The following DENND1A variants were observed in gnomAD, a reference collection of about 807,000 sequenced individuals.
The protein encoded by DENND1A is DENN domain containing 1A.
DENND1A carries 51 observed loss-of-function variants against 113.7 expected under a neutral mutation model. That is an observed-to-expected ratio of 0.45 (90% CI 0.36 to 0.57). The LOEUF (loss-of-function observed/expected upper bound fraction) is 0.57, where lower values mean the gene tolerates loss of function less well. Among genes scored for constraint, DENND1A ranks in the 20% least tolerant of loss-of-function variants. The pLI is 0.00. For missense variants in DENND1A, 1,258 were observed against 1,395.9 expected (o/e 0.90, Z 1.57); for synonymous variants, 565 against 570.8 (o/e 0.99, Z 0.14).
intron 1 of DENND1A, among the ~76,000 whole-genome samples, chr9:123,882,322 CA>C (rs59820553): frequency 0.016 from 1,962 of 124,270 alleles, 26 homozygotes; most frequent in African/African-American, 0.035. Context: ...AACCTTGTTT[CA>C]AAAAAAAAAA....
intron 12 of DENND1A, among the ~76,000 whole-genome samples, chr9:123,564,838 T>G (rs1385507690): frequency 6.6e-6 from 1 of 152,184 alleles, no homozygotes; most frequent in East Asian, 1.9e-4. Flanking sequence ...CAGGTCTCAG[T>G]TCAAATATCA....
At chr9:123,724,401 T>C (rs889619374) in intron 5 of DENND1A, among the ~76,000 whole-genome samples, 3 of 152,070 alleles carry the variant, frequency 2.0e-5, no homozygotes, top group African/African-American at 7.2e-5. Flanking sequence ...ATTCTCAATG[T>C]TGGCTCCAGG....
intron 13 of DENND1A, among the ~76,000 whole-genome samples, chr9:123,501,810 A>C (rs913353449): frequency 4.6e-5 from 7 of 152,346 alleles, no homozygotes; most frequent in Admixed American, 1.3e-4. Flanking sequence ...AGATGGGCCT[A>C]GCCTCCCAGC....
chr9:123,522,655 T>C (rs527256015), intron 13 of DENND1A, among the ~76,000 whole-genome samples: 1 of 152,366 alleles, frequency 6.6e-6, no homozygotes, highest in African/African-American at 2.4e-5. Flanking sequence ...CCCATTTTTA[T>C]TTTCTTCTTC....
intron 5 of DENND1A, among the ~76,000 whole-genome samples, chr9:123,714,345 T>C (rs1217123589): frequency 6.6e-6 from 1 of 152,208 alleles, no homozygotes; most frequent in East Asian, 1.9e-4. Flanking sequence ...CTCACACCTG[T>C]AATCCCAGCA....
At chr9:123,568,158 C>G (rs1441318126) in intron 12 of DENND1A, among the ~76,000 whole-genome samples, 3 of 152,176 alleles carry the variant, frequency 2.0e-5, no homozygotes, top group Non-Finnish European at 4.4e-5. Flanking sequence ...TGAATATATT[C>G]TAGTGACCTC....
At chr9:123,756,212 A>G (rs2070529523) in intron 5 of DENND1A, among the ~76,000 whole-genome samples, 2 of 152,132 alleles carry the variant, frequency 1.3e-5, no homozygotes, top group South Asian at 4.1e-4. Flanking sequence ...GTGCCCGGCC[A>G]TAGTTGAGTT....
chr9:123,909,624 T>C (rs1853595259), intron 1 of DENND1A, among the ~76,000 whole-genome samples: 1 of 152,002 alleles, frequency 6.6e-6, no homozygotes, highest in South Asian at 2.1e-4. Flanking sequence ...AGCACTTTCC[T>C]CTGAATTCAG....
chr9:123,583,460 T>G (rs2059019752), intron 11 of DENND1A, among the ~76,000 whole-genome samples, 190 bp from the exon 12 acceptor site: 1 of 152,156 alleles, frequency 6.6e-6, no homozygotes, highest in African/African-American at 2.4e-5. Context: ...CTCTGTGAGC[T>G]TGCATGACTA....
At chr9:123,847,312 A>C (rs998937227) in intron 2 of DENND1A, among the ~76,000 whole-genome samples, 40 of 152,204 alleles carry the variant, frequency 2.6e-4, no homozygotes, top group African/African-American at 9.6e-4. Context: ...ACATATGTGT[A>C]ATCAAAGCTC....
chr9:123,894,898 G>T (rs1039167976), intron 1 of DENND1A, among the ~76,000 whole-genome samples: 1 of 152,154 alleles, frequency 6.6e-6, no homozygotes, highest in Non-Finnish European at 1.5e-5. Flanking sequence ...TGTTCACATT[G>T]CAGAATGAAC....
chr9:123,871,839 T>G (rs1447453791), intron 2 of DENND1A, among the ~76,000 whole-genome samples: 2 of 152,222 alleles, frequency 1.3e-5, no homozygotes, highest in African/African-American at 4.8e-5. Context: ...CTGCCAAGCA[T>G]TTCTGAAGAA....
chr9:123,517,893 T>C (rs2054073766), intron 13 of DENND1A, among the ~76,000 whole-genome samples: 1 of 152,232 alleles, frequency 6.6e-6, no homozygotes, highest in South Asian at 2.1e-4. Context: ...GGAACGCCTC[T>C]GGGTGGTGGA....
intron 19 of DENND1A, 74 bp from the exon 20 acceptor site, chr9:123,411,903 G>A (rs2044333636): frequency 2.1e-6 from 2 of 955,420 alleles, no homozygotes; most frequent in African/African-American, 1.8e-5. Context: ...ACGGCCTGGA[G>A]GAAGGCACCC....
chr9:123,730,413 AAAAC>A (rs1297453167), intron 5 of DENND1A, among the ~76,000 whole-genome samples: 2 of 152,238 alleles, frequency 1.3e-5, no homozygotes, highest in African/African-American at 2.4e-5. Flanking sequence ...TACAAGAAAA[AAAAC>A]AAACAACCCC....
At chr9:123,620,960 C>G (rs1178296351) in intron 10 of DENND1A, among the ~76,000 whole-genome samples, 1 of 152,146 alleles carries the variant, frequency 6.6e-6, no homozygotes, top group Non-Finnish European at 1.5e-5. Flanking sequence ...TTCCTATGCC[C>G]ACTGCCAGGA....
chr9:123,531,878 G>A (rs554425495), intron 13 of DENND1A, among the ~76,000 whole-genome samples: 12 of 152,274 alleles, frequency 7.9e-5, no homozygotes, highest in Admixed American at 7.2e-4. Context: ...TTGTGGAAGG[G>A]GCAGAGGGTT....
At chr9:123,826,232 A>G (rs1278667457) in intron 2 of DENND1A, among the ~76,000 whole-genome samples, 1 of 151,974 alleles carries the variant, frequency 6.6e-6, no homozygotes. Flanking sequence ...TGAGACCCCT[A>G]TCTCTACAAA....
At chr9:123,861,856 C>T (rs1017347642) in intron 2 of DENND1A, among the ~76,000 whole-genome samples, 12 of 152,194 alleles carry the variant, frequency 7.9e-5, no homozygotes, top group African/African-American at 1.7e-4. Context: ...AGCAGCAAGA[C>T]ATTGACAGCC....
Sources: allele counts gnomAD v4.1 joint callset (sites outside exome capture counted in the v4.1 genomes callset), GRCh38; gene constraint gnomAD v4.1.1; transcripts MANE v1.5; gene names NCBI Gene and HGNC (gene_info 2026-07-23, HGNC 2026-07-21).